Variants in SHPRH observed in about 807,000 individuals in gnomAD.
The protein encoded by SHPRH is E3 ubiquitin-protein ligase SHPRH.
Under a neutral mutation model 202.5 loss-of-function variants are expected in SHPRH, and 106 were observed. The ratio of observed to expected loss-of-function variants is 0.52; its 90% CI spans 0.45 to 0.62. SHPRH has a LOEUF of 0.62. Ranked by LOEUF, SHPRH falls within the 20% of genes least tolerant of loss-of-function variation. SHPRH has a pLI of 0.00. For synonymous variants in SHPRH, 729 were observed against 686.0 expected (o/e 1.06, Z -0.98); for missense variants, 1,710 against 2,020.0 (o/e 0.85, Z 2.94).
chr6:145,903,027 C>T (rs545965164), intron 25 of SHPRH, among the ~76,000 whole-genome samples: 1 of 151,804 alleles, frequency 6.6e-6, no homozygotes, highest in East Asian at 1.9e-4. Context: ...TTAACTTGGC[C>T]GGTGAACAGA....
chr6:145,893,503 T>A, intron 27 of SHPRH, 110 bp from the exon 28 acceptor site: 1 of 1,034,810 alleles, frequency 9.7e-7, no homozygotes, highest in Non-Finnish European at 1.3e-6. Flanking sequence ...TTGTGAAAGG[T>A]AACAGCTAAG....
At position 145,888,087 on chromosome 6, in the gene SHPRH, G is replaced by A; in HGVS notation, c.4888C>T (p.His1630Tyr). Reference sequence around the variant, plus strand: ...ATTGTTGCTTTAATTAAGAATCTGTGTACAATAGTAGGTCTAAAAGGTACA... The same window carrying A: ...ATTGTTGCTTTAATTAAGAATCTGTATACAATAGTAGGTCTAAAAGGTACA... ...RIGQTKPTIV[H>Y]RFLIKATIEE... Residue 1630 changes from histidine to tyrosine, a missense_variant, in exon 29 of 30, where the codon CAC becomes TAC. Around this residue, in one of 8 missense-constraint regions of SHPRH, gnomAD observed 306 missense variants for 479.5 expected, o/e 0.64. Coordinates refer to ENST00000275233, the MANE Select transcript of SHPRH (RefSeq NM_001042683.3). The A allele has an allele frequency of 6.2e-7, 1 of 1,610,424 alleles. No individual in the cohort carries two copies. Among genetic ancestry groups the A allele is most frequent in the Non-Finnish European group, 8.5e-7 (1 of 1,177,102 alleles).
At chr6:145,912,439 A>C (rs549198889) in intron 24 of SHPRH, among the ~76,000 whole-genome samples, 1 of 152,174 alleles carries the variant, frequency 6.6e-6, no homozygotes, top group Non-Finnish European at 1.5e-5. Flanking sequence ...TGTTTAAGAC[A>C]AAATGAAATA....
intron 14 of SHPRH, among the ~76,000 whole-genome samples, chr6:145,932,469 GCAT>G (rs1785569814): frequency 6.6e-6 from 1 of 152,010 alleles, no homozygotes; most frequent in African/African-American, 2.4e-5. Context: ...TTAATTTTGT[GCAT>G]AATATATAAC....
rs1463408241 is a variant in SHPRH, at chr6:145,927,207, G to A, written c.3183C>T (p.Leu1061=). ...TACTTACTTGAAGTGAATCAGTTTT[G>A]AGTTTTCCTTTGTGTTCCTCCGAGG... is the stretch of plus-strand genomic sequence containing the variant. ...LRSSEEHKGK[L]KTDSLQRLHA... is the part of the protein sequence containing the mutation. The change falls in exon 15 of 30, where the codon CTC becomes CTT. Residue 1061 remains leucine, a synonymous_variant. Transcript: ENST00000275233. 6.2e-7 allele frequency: 1 copy of A among 1,611,818 alleles called. No homozygotes were observed. The highest frequency in any genetic ancestry group is 8.5e-7 in the Non-Finnish European group (1 of 1,178,690).
chr6:145,924,234 A>C (rs568857466), intron 17 of SHPRH, among the ~76,000 whole-genome samples: 1 of 151,954 alleles, frequency 6.6e-6, no homozygotes, highest in Non-Finnish European at 1.5e-5. Context: ...AATACTAAAT[A>C]ATGAATGAAT....
intron 25 of SHPRH, among the ~76,000 whole-genome samples, chr6:145,895,903 T>C (rs1357764843): frequency 6.6e-6 from 1 of 152,030 alleles, no homozygotes; most frequent in Middle Eastern, 3.2e-3. Context: ...TAACATCTGG[T>C]AAGGAGTAAA....
intron 2 of SHPRH, among the ~76,000 whole-genome samples, chr6:145,866,074 T>A (rs1562267553): frequency 6.6e-6 from 1 of 152,248 alleles, no homozygotes; most frequent in Non-Finnish European, 1.5e-5. Context: ...GTCACACAAA[T>A]TCTGTCCTGT....
chr6:145,927,067 A>C, intron 15 of SHPRH, 122 bp downstream of exon 15: 1 of 819,108 alleles, frequency 1.2e-6, no homozygotes, highest in Non-Finnish European at 2.0e-6. Context: ...AGAAGACTGA[A>C]TCCCAAGTTT....
intron 6 of SHPRH, among the ~76,000 whole-genome samples, chr6:145,947,208 T>A (rs1787481428): frequency 6.6e-6 from 1 of 151,842 alleles, no homozygotes; most frequent in Admixed American, 6.6e-5. Context: ...ATTTGAGGAG[T>A]CAACAGTACT....
chr6:145,906,885 G>C (rs765271222), intron 25 of SHPRH: 4 of 152,304 alleles, frequency 2.6e-5, no homozygotes, highest in Admixed American at 6.6e-5. Flanking sequence ...CAGCACTACT[G>C]TCTCCTCACC....
rs191475560 is a variant in SHPRH at position 145,955,048 on chromosome 6, A to T, written c.275T>A (p.Phe92Tyr). The T allele has an allele frequency of 1.3e-4, 210 of 1,613,344 alleles. 1 individual carries two copies. The highest frequency in any genetic ancestry group is 1.6e-4 in the Middle Eastern group (1 of 6,062). Residue 92 changes from phenylalanine to tyrosine, a missense_variant, in exon 2 of 30, where the codon TTT (phenylalanine) becomes TAT (tyrosine). By Grantham distance (22) the Phe-to-Tyr change is conservative (BLOSUM62 3). Transcript: ENST00000275233. ...ATTTAACTTTACAGACAAAGGGGAAAAAATACCAACAGTCTCTTCTTTTTC... is the reference window on the plus strand; with the variant it reads ...ATTTAACTTTACAGACAAAGGGGAATAAATACCAACAGTCTCTTCTTTTTC... ...PIEKEETVGI[F>Y]SPLSVKLNIV...
chr6:145,947,922 A>G (rs1348815078), intron 5 of SHPRH, among the ~76,000 whole-genome samples: 1 of 150,658 alleles, frequency 6.6e-6, no homozygotes, highest in Non-Finnish European at 1.5e-5. Flanking sequence ...TCTATGAATA[A>G]AAAAAAATAC....
chr6:145,891,783 C>T (rs988044017), intron 28 of SHPRH, among the ~76,000 whole-genome samples: 3 of 152,064 alleles, frequency 2.0e-5, no homozygotes, highest in African/African-American at 7.2e-5. Context: ...TATTGACTTG[C>T]GAGGCATAGT....
rs546935325 is a variant in SHPRH, at chr6:145,872,308, C to T, written c.222-7817G>A. On this transcript the variant is annotated intron_variant, in intron 2 of 2. Transcript: ENST00000417762. ...TGCAATCTATGTATCTGACAAAGCC[C>T]TAATATCCAGAATCTATAAGGAACT... is the stretch of plus-strand genomic sequence containing the variant. 8.5e-5 allele frequency among the ~76,000 whole-genome samples: 13 copies of T among 152,076 alleles called. No individual in the cohort carries two copies. In the South Asian group the frequency reaches 2.5e-3, roughly 29 times the overall value.
intron 11 of SHPRH, among the ~76,000 whole-genome samples, chr6:145,938,853 G>A (rs1040443203): frequency 1.3e-5 from 2 of 152,094 alleles, no homozygotes; most frequent in African/African-American, 2.4e-5. Context: ...AGGGTGTGGC[G>A]GGTGGAAGGA....
chr6:145,934,333 GCAC>G (rs1240943819), intron 13 of SHPRH, among the ~76,000 whole-genome samples: 1 of 151,920 alleles, frequency 6.6e-6, no homozygotes, highest in Non-Finnish European at 1.5e-5. Context: ...AGGCTTGGTG[GCAC>G]ATGTCTGTAA....
intron 2 of SHPRH, among the ~76,000 whole-genome samples, chr6:145,873,052 G>A (rs1002945269): frequency 1.3e-5 from 2 of 152,178 alleles, no homozygotes; most frequent in Non-Finnish European, 2.9e-5. Context: ...GAGAGGATCA[G>A]GAAGAATAAC....
At chr6:145,931,961 C>A (rs190126508) in intron 14 of SHPRH, among the ~76,000 whole-genome samples, 2 of 151,588 alleles carry the variant, frequency 1.3e-5, no homozygotes, top group African/African-American at 2.4e-5. Context: ...CACAACCTCA[C>A]TGAGGCTCTT....
Sources: gnomAD v4.1 joint callset for allele counts (sites outside exome capture counted in the v4.1 genomes callset) on GRCh38, gnomAD v4.1.1 for gene constraint, gnomAD v4.1.1 regional missense constraint, MANE v1.5 for transcripts, NCBI Gene and HGNC (gene_info 2026-07-23, HGNC 2026-07-21) for gene names.